Variants in TG observed in about 807,000 individuals in gnomAD.
The protein encoded by TG is thyroid hormones.
In TG, 270 loss-of-function variants were observed where a neutral mutation model predicts 324.7. The ratio of observed to expected loss-of-function variants is 0.83; its 90% CI spans 0.75 to 0.92. The LOEUF (loss-of-function observed/expected upper bound fraction) is 0.92, where lower values mean the gene tolerates loss of function less well. Among genes scored for constraint, TG ranks in the 40% least tolerant of loss-of-function variants. The pLI is 0.00. For synonymous variants in TG, 1,401 were observed against 1,327.0 expected (o/e 1.06, Z -1.21); for missense variants, 3,591 against 3,456.4 (o/e 1.04, Z -0.98).
intron 43 of TG, among the ~76,000 whole-genome samples, chr8:133,103,391 A>G (rs1849504910): frequency 6.6e-6 from 1 of 151,924 alleles, no homozygotes; most frequent in Non-Finnish European, 1.5e-5. Context: ...ATAGCCCCAC[A>G]TTACCCCTCA....
At position 133,113,436 on chromosome 8, in the gene TG, T is replaced by C; in HGVS notation, c.7587T>C (p.Ser2529=). 6.2e-7 allele frequency: 1 copy of C among 1,613,658 alleles called. No homozygotes were observed. The highest frequency in any genetic ancestry group is 1.1e-5 in the South Asian group (1 of 91,044). ...RAKAVKQFEE[S]RGRTSSKTAF... ...TTTTTTTCTAGCAATTTGAGGAAAG[T>C]CGAGGCCGGACCAGTAGCAAAACAG... Residue 2529 remains serine, a synonymous_variant, in exon 44 of 48, where the codon AGT becomes AGC. Coordinates refer to ENST00000220616, the MANE Select transcript of TG (RefSeq NM_003235.5).
At chr8:132,933,464 G>GTGTGTT in intron 23 of TG, 97 bp from the exon 24 acceptor site, 1 of 867,860 alleles carries the variant, frequency 1.2e-6, no homozygotes, top group Non-Finnish European at 2.0e-6. Context: ...GTGTGTGTGT[G>GTGTGTT]TTTGGGCATG....
chr8:133,011,243 C>A (rs1523068), intron 35 of TG, among the ~76,000 whole-genome samples: 37,193 of 151,928 alleles, frequency 0.24, 4,603 homozygotes, highest in Non-Finnish European at 0.26. Context: ...GGGTACGAAC[C>A]TTTATCTACC....
chr8:133,109,320 T>A (rs1304787557), intron 43 of TG, among the ~76,000 whole-genome samples: 1 of 152,206 alleles, frequency 6.6e-6, no homozygotes, highest in East Asian at 1.9e-4. Flanking sequence ...TATCAAGATT[T>A]CAGTCTACTT....
intron 41 of TG, among the ~76,000 whole-genome samples, chr8:133,082,246 G>GT (rs1375898741): frequency 1.3e-5 from 2 of 152,152 alleles, no homozygotes; most frequent in African/African-American, 4.8e-5. Context: ...TTCAAAAACT[G>GT]TAAGTTCCAA....
chr8:133,038,584 C>T, intron 41 of TG: 4 of 1,614,150 alleles, frequency 2.5e-6, no homozygotes, highest in South Asian at 2.2e-5. Context: ...TGCCACCATA[C>T]ATCAGGGAGA....
intron 41 of TG, among the ~76,000 whole-genome samples, chr8:133,069,743 A>G (rs1014822416): frequency 6.6e-6 from 1 of 152,104 alleles, no homozygotes; most frequent in Non-Finnish European, 1.5e-5. Context: ...GCTCATGCCT[A>G]TAATCCCAGC....
chr8:132,896,267 G>A (rs1817085479), intron 11 of TG, among the ~76,000 whole-genome samples: 1 of 152,222 alleles, frequency 6.6e-6, no homozygotes, highest in South Asian at 2.1e-4. Flanking sequence ...CGCAGTGCCG[G>A]GATTCAGAAG....
intron 5 of TG, among the ~76,000 whole-genome samples, chr8:132,878,620 A>C (rs1478404174): frequency 5.3e-4 from 79 of 150,108 alleles, no homozygotes; most frequent in African/African-American, 1.9e-3. Context: ...AAAAAAAAAA[A>C]CAAAAAAAAA....
intron 40 of TG, among the ~76,000 whole-genome samples, chr8:133,024,314 CTT>C (rs1411427777): frequency 6.3e-5 from 1 of 15,760 alleles, no homozygotes. Context: ...CATTTTCTTT[CTT>C]TCTTTCTTTC....
intron 44 of TG, among the ~76,000 whole-genome samples, chr8:133,116,294 T>C (rs1029618435): frequency 4.6e-5 from 7 of 152,358 alleles, no homozygotes; most frequent in Admixed American, 3.3e-4. Flanking sequence ...TGTCTTTAAG[T>C]GAAATTGATG....
intron 10 of TG, among the ~76,000 whole-genome samples, chr8:132,892,776 GGT>G (rs963191690): frequency 2.6e-5 from 4 of 151,040 alleles, no homozygotes; most frequent in Non-Finnish European, 5.9e-5. Flanking sequence ...TATGTGCATA[GGT>G]GTGTGTGTAT....
At chr8:133,026,988 G>A (rs182299921) in intron 40 of TG, among the ~76,000 whole-genome samples, 15 of 152,286 alleles carry the variant, frequency 9.8e-5, no homozygotes, top group South Asian at 2.1e-4. Flanking sequence ...TATCACCCCC[G>A]TTTTACAGAT....
At chr8:132,927,974 ATGGG>A (rs1326194578) in intron 22 of TG, among the ~76,000 whole-genome samples, 1 of 152,182 alleles carries the variant, frequency 6.6e-6, no homozygotes, top group Non-Finnish European at 1.5e-5. Context: ...ATTAACATGG[ATGGG>A]CCAGTTTGTA....
chr8:132,993,858 C>T (rs1232428496), intron 35 of TG, among the ~76,000 whole-genome samples: 1 of 152,200 alleles, frequency 6.6e-6, no homozygotes, highest in Admixed American at 6.5e-5. Context: ...AGAAAACCTA[C>T]CATTTGGATT....
intron 45 of TG, among the ~76,000 whole-genome samples, chr8:133,122,614 C>T (rs2131808435): frequency 6.6e-6 from 1 of 152,294 alleles, no homozygotes. Flanking sequence ...CTCCATGTAG[C>T]CTCACCTACA....
chr8:133,001,724 T>G, intron 35 of TG: 1 of 985,360 alleles, frequency 1.0e-6, no homozygotes, highest in Non-Finnish European at 1.2e-6. Context: ...CCTGTGGCCG[T>G]ACAGGCCTCC....
intron 41 of TG, among the ~76,000 whole-genome samples, chr8:133,077,168 G>A (rs774083195): frequency 5.5e-4 from 83 of 152,276 alleles, no homozygotes; most frequent in Admixed American, 5.9e-4. Context: ...AGAGGTGTGC[G>A]CAGAAGGGAC....
intron 40 of TG, 34 bp downstream of exon 40, chr8:133,022,184 C>A (rs775056953): frequency 6.2e-7 from 1 of 1,613,664 alleles, no homozygotes; most frequent in African/African-American, 1.3e-5. Flanking sequence ...GCTGCTGACC[C>A]CCTGAGCCAA....
Sources: allele counts gnomAD v4.1 joint callset (sites outside exome capture counted in the v4.1 genomes callset), GRCh38; gene constraint gnomAD v4.1.1; transcripts MANE v1.5; gene names NCBI Gene and HGNC (gene_info 2026-07-23, HGNC 2026-07-21).